The following ZNF845 variants were observed in gnomAD, a reference collection of about 807,000 sequenced individuals.
The protein encoded by ZNF845 is zinc finger protein 845.
ZNF845 carries 59 observed loss-of-function variants against 76.1 expected under a neutral mutation model. The ratio of observed to expected loss-of-function variants is 0.78; its 90% CI spans 0.63 to 0.96. ZNF845 has a LOEUF of 0.96. ZNF845 is among the 40% of genes least tolerant of loss of function. The pLI is 0.00. For synonymous variants in ZNF845, 361 were observed against 386.9 expected, an observed-to-expected ratio of 0.93 and a Z score of 0.78; for missense variants, 1,045 against 1,172.8, an observed-to-expected ratio of 0.89 and a Z score of 1.59.
In ZNF845 at chr19:53,353,031, C is replaced by T. The variant is rs535061073; in HGVS notation, c.2356C>T (p.Arg786Cys). Reference protein sequence around the residue: ...KCKVCDKAFGRDSHLAQHTRI... With the variant: ...KCKVCDKAFGCDSHLAQHTRI... ...TAAGGTTTGTGACAAAGCTTTTGGG[C>T]GTGATTCACACCTGGCACAACATAC... The change falls in exon 4 of 4, where the codon CGT (arginine) becomes TGT (cysteine). Residue 786 changes from arginine (R) to cysteine (C), a missense_variant. By Grantham distance (180) the Arg-to-Cys change is radical. Coordinates refer to ENST00000458035, the MANE Select transcript of ZNF845 (RefSeq NM_138374.3). 147 of 1,613,804 alleles carry T rather than the reference C, an allele frequency of 9.1e-5. 2 individuals are homozygous for T. In the South Asian group the frequency reaches 1.2e-3, roughly 13 times the overall value.
chr19:53,339,711 T>A (rs2085242775), intron 1 of ZNF845, among the ~76,000 whole-genome samples: 1 of 152,262 alleles, frequency 6.6e-6, no homozygotes. Context: ...CTGGCACATG[T>A]GAGACCCCAG....
At chr19:53,350,769 T>C in intron 3 of ZNF845, 49 bp from the exon 4 acceptor site, 1 of 1,571,718 alleles carries the variant, frequency 6.4e-7, no homozygotes, top group Non-Finnish European at 8.6e-7. Context: ...TTCAGTATTA[T>C]TTACCATCTA....
rs1380861979 is a variant in ZNF845, at chr19:53,354,378, TAAG to T, written c.*795_*797del. On this transcript the variant is annotated 3_prime_UTR_variant, in exon 4 of 4. Transcript: ENST00000458035. ...TTAATTGACATTAAAGTGTTTATGTTAAGAAGATTGGGCCAGGCGGGGTGGCTC... is the reference window on the plus strand; with the variant it reads ...TTAATTGACATTAAAGTGTTTATGTTAAGATTGGGCCAGGCGGGGTGGCTC... 3.2e-6 allele frequency: 1 copy of T among 312,872 alleles called. No homozygotes were observed. Among genetic ancestry groups the T allele is most frequent in the Admixed American group, 4.8e-5 (1 of 20,680 alleles). The allele number at this position is 312,872 out of a possible 1,614,324, so 19.4% of individuals were successfully genotyped here.
Position 53,353,845 on chromosome 19 carries a change from T to C in ZNF845, c.*257T>C. The stretch of plus-strand genomic sequence containing the variant: ...ATGGTATAGGGAAACTTTACTAATG[T>C]AATGATTATCACAAAGTCTTCAGTA... On this transcript the variant is annotated 3_prime_UTR_variant, in exon 4 of 4. Transcript: ENST00000458035. 7.4e-7 allele frequency: 1 copy of C among 1,353,216 alleles called. No homozygotes were observed. The highest frequency in any genetic ancestry group is 1.0e-6 in the Non-Finnish European group (1 of 993,588). The allele number at this position is 1,353,216 out of a possible 1,614,324, so 83.8% of individuals were successfully genotyped here. A position where few individuals can be genotyped will look rare whatever the true frequency, so the allele number is the denominator to read the frequency against.
At chr19:53,334,222 C>T (rs8110243) in intron 1 of ZNF845, among the ~76,000 whole-genome samples, 18,447 of 152,088 alleles carry the variant, frequency 0.12, 1,604 homozygotes, top group African/African-American at 0.25. Flanking sequence ...TTACCCTGAG[C>T]CCGCGTTGGG....
intron 2 of ZNF845, among the ~76,000 whole-genome samples, chr19:53,344,220 T>A (rs1049907969): frequency 6.6e-6 from 1 of 152,158 alleles, no homozygotes; most frequent in Non-Finnish European, 1.5e-5. Flanking sequence ...CTCATCTAGA[T>A]ACTGAATGTC....
At chr19:53,334,453 G>A (rs566216582) in intron 1 of ZNF845, among the ~76,000 whole-genome samples, 1 of 152,206 alleles carries the variant, frequency 6.6e-6, no homozygotes, top group South Asian at 2.1e-4. Context: ...TAGAGGATGA[G>A]TGAGGGATTT....
Position 53,353,590 on chromosome 19 carries a change from A to T in ZNF845, c.*2A>T, listed in dbSNP as rs1287249377. 1 of 1,573,322 alleles carries T rather than the reference A, an allele frequency of 6.4e-7. No homozygotes were observed. Among genetic ancestry groups the T allele is most frequent in the Non-Finnish European group, 8.6e-7 (1 of 1,159,214 alleles). On this transcript the variant is annotated 3_prime_UTR_variant, in exon 4 of 4. Transcript: ENST00000458035. ...ATTCATACTGGAAAGAAACATTAGA[A>T]ATATGAAGAATGTGACAAAGTTTAC...
chr19:53,347,301 A>G (rs1199489089), intron 3 of ZNF845, among the ~76,000 whole-genome samples: 3 of 149,654 alleles, frequency 2.0e-5, no homozygotes, highest in Admixed American at 6.6e-5. Flanking sequence ...TTTCTTGAGA[A>G]GGAGTCTGTC....
rs1416629500 is a variant in ZNF845, at chr19:53,355,881, AT to A, written c.*2294del. On this transcript the variant is annotated 3_prime_UTR_variant, in exon 4 of 4. Transcript: ENST00000458035. The stretch of plus-strand genomic sequence containing the variant: ...GAGTTCTGTGAAATGCTTTTTCTCT[AT>A]CTATTGAGATAATGTGTTTTTTATC... The A allele has an allele frequency of 5.9e-5, 9 of 152,102 alleles. No homozygotes were observed. The East Asian group carries it at 1.7e-3, about 29-fold the overall frequency. 9.4% of individuals were successfully genotyped at this position (152,102 alleles called of 1,614,324 possible).
Position 53,352,183 on chromosome 19 carries a change from C to A in ZNF845, c.1508C>A (p.Ala503Asp). Reference protein sequence around the residue: ...KPYKCEECDEAFSFKSNLERH... With the variant: ...KPYKCEECDEDFSFKSNLERH... ...TACAAATGTGAAGAATGTGATGAAG[C>A]TTTCAGTTTCAAATCAAACCTTGAA... The change falls in exon 4 of 4, where the codon GCT (alanine) becomes GAT (aspartate). Residue 503 changes from alanine (A) to aspartate (D), a missense_variant. By Grantham distance (126) the Ala-to-Asp change is moderately radical. Coordinates refer to ENST00000458035, the MANE Select transcript of ZNF845 (RefSeq NM_138374.3). The A allele has an allele frequency of 6.2e-7, 1 of 1,613,892 alleles. No homozygotes were observed. The highest frequency in any genetic ancestry group is 1.7e-4 in the Middle Eastern group (1 of 6,056).
At chr19:53,336,887 A>C (rs1478387694) in intron 1 of ZNF845, among the ~76,000 whole-genome samples, 1 of 152,162 alleles carries the variant, frequency 6.6e-6, no homozygotes, top group Admixed American at 6.5e-5. Flanking sequence ...TTTATTATTT[A>C]TTGGAAACCT....
In ZNF845 at chr19:53,355,159, C is replaced by A; in HGVS notation, c.*1571C>A. ...ACTCCTGACTTCAGGTGATCCGCCC[C>A]CATCAGCATCCCAAAGTTCTGGGAT... On this transcript the variant is annotated 3_prime_UTR_variant, in exon 4 of 4. Transcript: ENST00000458035. 1 of 152,098 alleles carries A rather than the reference C, an allele frequency of 6.6e-6. No individual in the cohort carries two copies. The highest frequency in any genetic ancestry group is 2.1e-4 in the South Asian group (1 of 4,818). 9.4% of individuals were successfully genotyped at this position (152,098 alleles called of 1,614,324 possible).
intron 3 of ZNF845, among the ~76,000 whole-genome samples, chr19:53,347,361 T>C (rs4803094): frequency 0.84 from 125,384 of 149,794 alleles, 52,669 homozygotes; most frequent in Non-Finnish European, 0.88. Context: ...ACTCCAACCT[T>C]TGCCTCCCAG....
intron 1 of ZNF845, among the ~76,000 whole-genome samples, chr19:53,340,522 A>G (rs1599971250): frequency 1.3e-5 from 2 of 152,236 alleles, no homozygotes; most frequent in East Asian, 3.9e-4. Flanking sequence ...CCGTAAACGC[A>G]TTCCCCCATG....
chr19:53,349,186 G>A (rs1333573374), intron 3 of ZNF845, among the ~76,000 whole-genome samples: 1 of 152,012 alleles, frequency 6.6e-6, no homozygotes, highest in African/African-American at 2.4e-5. Flanking sequence ...TTATAATGCT[G>A]TGTGTTTTTT....
In ZNF845 at chr19:53,354,104, C is replaced by T; in HGVS notation, c.*516C>T. 1.9e-6 allele frequency: 1 copy of T among 536,440 alleles called. No individual in the cohort carries two copies. Among genetic ancestry groups the T allele is most frequent in the South Asian group, 1.5e-5 (1 of 67,280 alleles). The allele number at this position is 536,440 out of a possible 1,614,324, so 33.2% of individuals were successfully genotyped here. ...AACTTCACAAGTATGATGATTGCAG[C>T]AAAGCCTTTACTTCACGTTCACACC... On this transcript the variant is annotated 3_prime_UTR_variant, in exon 4 of 4. Transcript: ENST00000458035.
At chr19:53,336,997 A>G in intron 1 of ZNF845, 2 of 399,334 alleles carry the variant, frequency 5.0e-6, no homozygotes, top group Non-Finnish European at 9.9e-6. Context: ...TGTTTCCCTC[A>G]AGGCACCTCT....
Position 53,352,221 on chromosome 19 carries a change from A to G in ZNF845, c.1546A>G (p.Ile516Val). Reference sequence around the variant, plus strand: ...ATCAAACCTTGAAAGACATAGGATAATTCATACTGGAGAGAAACTTTACAA... The same window carrying G: ...ATCAAACCTTGAAAGACATAGGATAGTTCATACTGGAGAGAAACTTTACAA... ...FKSNLERHRI[I>V]HTGEKLYKCN... The change falls in exon 4 of 4, where the codon ATT (isoleucine) becomes GTT (valine). Residue 516 changes from isoleucine to valine, a missense_variant. By Grantham distance (29) the Ile-to-Val change is conservative. Transcript: ENST00000458035. 6.2e-7 allele frequency: 1 copy of G among 1,613,596 alleles called. No individual in the cohort carries two copies. The highest frequency in any genetic ancestry group is 8.5e-7 in the Non-Finnish European group (1 of 1,179,832).
Sources: allele counts gnomAD v4.1 joint callset (sites outside exome capture counted in the v4.1 genomes callset), GRCh38; gene constraint gnomAD v4.1.1; transcripts MANE v1.5; gene names NCBI Gene and HGNC (gene_info 2026-07-23, HGNC 2026-07-21).